Variants in FBXO5 observed in about 807,000 individuals in gnomAD.
FBXO5 encodes the protein F-box only protein 5.
In FBXO5, 8 loss-of-function variants were observed where a neutral mutation model predicts 43.3. That is an observed-to-expected ratio of 0.18 (90% confidence interval 0.11 to 0.33). The LOEUF (loss-of-function observed/expected upper bound fraction) is 0.33. Ranked by LOEUF, FBXO5 falls within the 10% of genes least tolerant of loss-of-function variation. The probability of loss-of-function intolerance (pLI) is 1.00; values close to 1 mark genes in which losing one functional copy is unlikely to be tolerated. For synonymous variants in FBXO5, 204 were observed against 193.7 expected (o/e 1.05, Z -0.44); for missense variants, 491 against 535.7 (o/e 0.92, Z 0.82).
rs1335206187 is a variant in FBXO5 at position 152,970,816 on chromosome 6, G to A, written c.*347C>T. 4 of 169,492 alleles carry A rather than the reference G, an allele frequency of 2.4e-5. No homozygotes were observed. The highest frequency in any genetic ancestry group is 9.5e-5 in the African/African-American group (4 of 41,940). The allele number at this position is 169,492 out of a possible 1,614,324, so 10.5% of individuals were successfully genotyped here. On this transcript the variant is annotated 3_prime_UTR_variant, in exon 5 of 5. Transcript: ENST00000229758. ...AAAATGTCTGAAATGCTAACAGATG[G>A]AAAACCAGACATATTTAAGACTGTC... is the stretch of plus-strand genomic sequence containing the variant.
chr6:152,983,156 G>C (rs1458841474), upstream of FBXO5: 4 of 404,556 alleles, frequency 9.9e-6, no homozygotes, highest in Non-Finnish European at 1.7e-5. Context: ...GCAGTGGGTG[G>C]GGGCGCCCTC....
At chr6:152,977,555 A>G (rs551530522) in intron 1 of FBXO5, among the ~76,000 whole-genome samples, 1 of 152,332 alleles carries the variant, frequency 6.6e-6, no homozygotes, top group South Asian at 2.1e-4. Context: ...CAAAGAATAT[A>G]CAAATTCTAG....
At chr6:152,980,884 G>A (rs922472350) in intron 1 of FBXO5, among the ~76,000 whole-genome samples, 1 of 152,144 alleles carries the variant, frequency 6.6e-6, no homozygotes, top group African/African-American at 2.4e-5. Context: ...CATAAAATGG[G>A]AGTAAGACAA....
At chr6:152,979,577 G>A (rs1778230873) in intron 1 of FBXO5, among the ~76,000 whole-genome samples, 1 of 152,200 alleles carries the variant, frequency 6.6e-6, no homozygotes, top group Non-Finnish European at 1.5e-5. Flanking sequence ...ACTTAAAGGA[G>A]TGGGGAGTAA....
rs987008979 is a variant in FBXO5, at chr6:152,970,922, T to C, written c.*241A>G. 8.0e-5 allele frequency: 28 copies of C among 351,264 alleles called. No individual in the cohort carries two copies. The highest frequency in any genetic ancestry group is 1.1e-4 in the Non-Finnish European group (22 of 198,986). 21.8% of individuals were successfully genotyped at this position (351,264 alleles called of 1,614,324 possible). A position where few individuals can be genotyped will look rare whatever the true frequency, so the allele number is the denominator to read the frequency against. On this transcript the variant is annotated 3_prime_UTR_variant, in exon 5 of 5. Coordinates refer to ENST00000229758, the MANE Select transcript of FBXO5 (RefSeq NM_012177.5). ...CCTCAGTATCACTATCTACTTTTCC[T>C]TTTTTCTTAAAATATTTAAATTGTT...
intron 4 of FBXO5, among the ~76,000 whole-genome samples, 193 bp downstream of exon 4, chr6:152,972,079 A>G (rs891145416): frequency 4.6e-4 from 70 of 152,154 alleles, no homozygotes; most frequent in African/African-American, 1.3e-3. Flanking sequence ...TGAAGAGGAC[A>G]CTAATGAAAT....
At chr6:152,983,101 C>T (rs1260221478), upstream of FBXO5, 1 of 473,742 alleles carries the variant, frequency 2.1e-6, no homozygotes, top group Non-Finnish European at 3.6e-6. Context: ...TAAATCCGCG[C>T]GGTCCAATGA....
Position 152,975,345 on chromosome 6 carries a change from A to C in FBXO5, c.380T>G (p.Leu127Arg). 2 of 1,614,134 alleles carry C rather than the reference A, an allele frequency of 1.2e-6. No individual in the cohort carries two copies. The highest frequency in any genetic ancestry group is 1.6e-4 in the Middle Eastern group (1 of 6,062). ...NKENQHVQQT[L>R]NSTNEIEALE... is the part of the protein sequence containing the mutation. ...TGCTTCTATTTCATTTGTACTATTA[A>C]GTGTCTGTTGCACATGTTGATTTTC... The change falls in exon 2 of 5, where the codon CTT (leucine) becomes CGT (arginine). Residue 127 changes from leucine to arginine, a missense_variant. Transcript: ENST00000229758.
rs1296938126 is a variant in FBXO5 at position 152,973,028 on chromosome 6, T to C, written c.909+18A>G. On this transcript the variant is annotated intron_variant, in intron 3 of 4. Coordinates refer to ENST00000229758, the MANE Select transcript of FBXO5 (RefSeq NM_012177.5). ...AACAGTGCATTTTTAACTAAAAACA[T>C]CATCTGCAAACACTTACGGTAACTC... 1.2e-6 allele frequency: 2 copies of C among 1,602,380 alleles called. No homozygotes were observed. The highest frequency in any genetic ancestry group is 1.7e-6 in the Non-Finnish European group (2 of 1,169,790).
At chr6:152,982,129 G>GA (rs914543984) in intron 1 of FBXO5, among the ~76,000 whole-genome samples, 1 of 152,174 alleles carries the variant, frequency 6.6e-6, no homozygotes, top group Admixed American at 6.5e-5. Context: ...GGCAAAGGGA[G>GA]AAAAAATTGG....
chr6:152,982,199 G>T (rs1048969459), intron 1 of FBXO5, among the ~76,000 whole-genome samples: 5 of 152,228 alleles, frequency 3.3e-5, no homozygotes, highest in African/African-American at 4.8e-5. Flanking sequence ...AGTTGGGGGG[G>T]TGTCTCTCCA....
intron 1 of FBXO5, among the ~76,000 whole-genome samples, chr6:152,976,953 T>C (rs1750319387): frequency 6.6e-6 from 1 of 152,186 alleles, no homozygotes; most frequent in Non-Finnish European, 1.5e-5. Context: ...ATGCAATGTC[T>C]CCAGTTACCA....
chr6:152,983,061 G>A (rs1418476107), upstream of FBXO5: 3 of 627,822 alleles, frequency 4.8e-6, no homozygotes, highest in Non-Finnish European at 4.8e-6. Flanking sequence ...GGCGCCAGCT[G>A]GTACTTTTAA....
Position 152,971,286 on chromosome 6 carries a change from C to A in FBXO5, c.1221G>T (p.Thr407=), listed in dbSNP as rs148568194. 1.1e-5 allele frequency: 17 copies of A among 1,613,890 alleles called. No individual in the cohort carries two copies. Among genetic ancestry groups the A allele is most frequent in the Non-Finnish European group, 1.4e-5 (17 of 1,179,964 alleles). ...TAGTATGATAATTACAGAGACACTT[C>A]GTACAATAATCAAATCCACAGCCTT... ...KREGCGFDYC[T]KCLCNYHTTK... The change falls in exon 5 of 5, where the codon ACG becomes ACT. Residue 407 remains threonine, a synonymous_variant. Transcript: ENST00000229758.
In FBXO5 at chr6:152,971,272, T is replaced by C; in HGVS notation, c.1235A>G (p.Asn412Ser). The C allele has an allele frequency of 1.9e-6, 3 of 1,614,066 alleles. No homozygotes were observed. Among genetic ancestry groups the C allele is most frequent in the Non-Finnish European group, 2.5e-6 (3 of 1,179,948 alleles). ...TGAACAGTCTTTAGTAGTATGATAA[T>C]TACAGAGACACTTCGTACAATAATC... ...GFDYCTKCLC[N>S]YHTTKDCSDG... The change falls in exon 5 of 5, where the codon AAT becomes AGT. Residue 412 changes from asparagine (N) to serine (S), a missense_variant. Transcript: ENST00000229758.
At position 152,972,441 on chromosome 6, in the gene FBXO5, T is replaced by G. The variant is rs1778101787; in HGVS notation, c.923A>C (p.Lys308Thr). The change falls in exon 4 of 5, where the codon AAA (lysine) becomes ACA (threonine). Residue 308 changes from lysine (K) to threonine (T), a missense_variant. Lys to Thr is a moderately conservative substitution (Grantham distance 78). Transcript: ENST00000229758. ...TCTGGTTGAAGCATGAGGTGAAAAT[T>G]TATTGTTGTTTTCCTAATTTAAAAA... ...AIQRVTENNN[K>T]FSPHASTREY... The G allele has an allele frequency of 6.3e-7, 1 of 1,587,948 alleles. No individual in the cohort carries two copies. Among genetic ancestry groups the G allele is most frequent in the Non-Finnish European group, 8.5e-7 (1 of 1,169,674 alleles).
In FBXO5 at chr6:152,975,499, G is replaced by T; in HGVS notation, c.226C>A (p.Pro76Thr). The T allele has an allele frequency of 6.2e-7, 1 of 1,613,884 alleles. No homozygotes were observed. Among genetic ancestry groups the T allele is most frequent in the South Asian group, 1.1e-5 (1 of 91,076 alleles). ...TTACAGGAACCTTCCAAATATGCAGGGGTGTAGGAAACTAGTCTTCCAATG... is the reference window on the plus strand; with the variant it reads ...TTACAGGAACCTTCCAAATATGCAGTGGTGTAGGAAACTAGTCTTCCAATG... ...DDIGRLVSYT[P>T]AYLEGSCKDC... Residue 76 changes from proline to threonine, a missense_variant, in exon 2 of 5, where the codon CCT becomes ACT. Physicochemically the swap from Pro to Thr is conservative, Grantham distance 38. Coordinates refer to ENST00000229758, the MANE Select transcript of FBXO5 (RefSeq NM_012177.5).
At chr6:152,974,817 C>A (rs1778138259) in intron 2 of FBXO5, 90 bp downstream of exon 2, 14 of 1,012,346 alleles carry the variant, frequency 1.4e-5, no homozygotes, top group Non-Finnish European at 1.7e-5. Flanking sequence ...TCAACCTGTA[C>A]AACAGCCTTT....
At position 152,974,939 on chromosome 6, in the gene FBXO5, A is replaced by G; in HGVS notation, c.786T>C (p.Ile262=). Residue 262 remains isoleucine, a synonymous_variant, in exon 2 of 5, where the codon ATT becomes ATC. Coordinates refer to ENST00000229758, the MANE Select transcript of FBXO5 (RefSeq NM_012177.5). The part of the protein sequence containing the change: ...RRGLRHVLAT[I]LAQLSDMDLI... Reference sequence around the variant, plus strand: ...AGTCCATGTCACTGAGTTGTGCTAAAATAGTTGCTAAGACATGTCTGAGTC... The same window carrying G: ...AGTCCATGTCACTGAGTTGTGCTAAGATAGTTGCTAAGACATGTCTGAGTC... The G allele has an allele frequency of 6.2e-7, 1 of 1,607,546 alleles. No homozygotes were observed. Among genetic ancestry groups the G allele is most frequent in the African/African-American group, 1.3e-5 (1 of 74,514 alleles).
Sources: allele counts gnomAD v4.1 joint callset (sites outside exome capture counted in the v4.1 genomes callset), GRCh38; gene constraint gnomAD v4.1.1; transcripts MANE v1.5; gene names NCBI Gene and HGNC (gene_info 2026-07-23, HGNC 2026-07-21).